TRAPPC9: variants seen among roughly 807,000 people sequenced by gnomAD.
The protein encoded by TRAPPC9 is trafficking protein particle complex subunit 9, also known as IKK2 binding protein.
TRAPPC9 carries 83 observed loss-of-function variants against 124.0 expected under a neutral mutation model. The observed-to-expected ratio is 0.67, with a 90% CI of 0.56 to 0.80. The LOEUF is 0.80. TRAPPC9 is among the 30% of genes least tolerant of loss of function. The pLI, the probability that TRAPPC9 is intolerant of heterozygous loss-of-function variation, is 0.00. For synonymous variants in TRAPPC9, 638 were observed against 617.5 expected (o/e 1.03, Z -0.49); for missense variants, 1,302 against 1,508.3 (o/e 0.86, Z 2.27).
At chr8:139,915,514 TG>T (rs1473625515) in intron 19 of TRAPPC9, among the ~76,000 whole-genome samples, 1 of 152,184 alleles carries the variant, frequency 6.6e-6, no homozygotes, top group Non-Finnish European at 1.5e-5. Flanking sequence ...CCCAAAATAC[TG>T]GGGTTACAGG....
chr8:140,363,208 C>T (rs2068007745), intron 8 of TRAPPC9, among the ~76,000 whole-genome samples: 1 of 152,192 alleles, frequency 6.6e-6, no homozygotes, highest in African/African-American at 2.4e-5. Context: ...CAAAAATCTT[C>T]ATATACAGCA....
At chr8:140,080,366 G>C (rs1440238914) in intron 17 of TRAPPC9, among the ~76,000 whole-genome samples, 1 of 152,216 alleles carries the variant, frequency 6.6e-6, no homozygotes, top group Non-Finnish European at 1.5e-5. Context: ...CAGAATACCT[G>C]AGTGTGGGTA....
At chr8:140,050,144 G>A (rs10088129) in intron 17 of TRAPPC9, among the ~76,000 whole-genome samples, 67,663 of 152,088 alleles carry the variant, frequency 0.44, 17,584 homozygotes, top group Non-Finnish European at 0.59. Context: ...ATGAGCTAGC[G>A]AGAGGATTCG....
At chr8:139,971,764 CATAT>C (rs1193853233) in intron 19 of TRAPPC9, among the ~76,000 whole-genome samples, 17 of 81,148 alleles carry the variant, frequency 2.1e-4, no homozygotes, top group South Asian at 8.5e-4. Context: ...CACACACACA[CATAT>C]ATATATACAC....
At chr8:140,221,613 A>C in intron 16 of TRAPPC9, 30 bp from the exon 17 acceptor site, 1 of 1,605,478 alleles carries the variant, frequency 6.2e-7, no homozygotes, top group South Asian at 1.1e-5. Context: ...ATCATAAGTA[A>C]CACGTCAGCT....
chr8:139,963,518 C>T (rs573872832), intron 19 of TRAPPC9, among the ~76,000 whole-genome samples: 2 of 152,238 alleles, frequency 1.3e-5, no homozygotes, highest in South Asian at 2.1e-4. Flanking sequence ...GGATGGGAGA[C>T]TCGTCCTTTC....
chr8:139,805,477 GCCC>G (rs1823985546), intron 21 of TRAPPC9, among the ~76,000 whole-genome samples: 8 of 152,210 alleles, frequency 5.3e-5, no homozygotes, highest in African/African-American at 1.7e-4. Flanking sequence ...ACATCCTGGG[GCCC>G]CAGGTTCTTT....
chr8:139,952,511 C>T (rs962033845), intron 19 of TRAPPC9, among the ~76,000 whole-genome samples: 6 of 152,112 alleles, frequency 3.9e-5, no homozygotes, highest in African/African-American at 1.2e-4. Flanking sequence ...CACAGGAGCC[C>T]GGCAGCTCGG....
intron 9 of TRAPPC9, among the ~76,000 whole-genome samples, chr8:140,338,926 C>T (rs1194938432): frequency 3.1e-5 from 3 of 95,450 alleles, no homozygotes; most frequent in African/African-American, 1.0e-4. Context: ...ACCTACAGGC[C>T]GACGGGAAAC....
intron 13 of TRAPPC9, among the ~76,000 whole-genome samples, chr8:140,284,749 A>T (rs1475744601): frequency 2.0e-5 from 3 of 152,232 alleles, no homozygotes; most frequent in African/African-American, 7.2e-5. Flanking sequence ...TACTAAAAGG[A>T]GAGGCAGGCA....
chr8:140,373,232 A>G (rs1042101855), intron 7 of TRAPPC9, among the ~76,000 whole-genome samples: 2 of 152,218 alleles, frequency 1.3e-5, no homozygotes, highest in Non-Finnish European at 1.5e-5. Flanking sequence ...AGTGGGGAGG[A>G]TGACAATAAA....
At chr8:139,932,519 T>C (rs1833235619) in intron 19 of TRAPPC9, 1 of 456,058 alleles carries the variant, frequency 2.2e-6, no homozygotes, top group Non-Finnish European at 4.4e-6. Flanking sequence ...TCCCAGCACT[T>C]TGGAAGGCCG....
At chr8:140,169,376 C>T (rs1316357551) in intron 17 of TRAPPC9, among the ~76,000 whole-genome samples, 1 of 152,032 alleles carries the variant, frequency 6.6e-6, no homozygotes, top group African/African-American at 2.4e-5. Context: ...GAATACAGCT[C>T]CTCAAACGGT....
intron 19 of TRAPPC9, among the ~76,000 whole-genome samples, chr8:139,939,628 C>T (rs779002137): frequency 6.6e-6 from 1 of 152,224 alleles, no homozygotes; most frequent in Admixed American, 6.5e-5. Flanking sequence ...CCTGGCAGCC[C>T]CGTGTCCCAG....
At chr8:139,778,259 C>T (rs1373954511) in intron 21 of TRAPPC9, among the ~76,000 whole-genome samples, 1 of 152,162 alleles carries the variant, frequency 6.6e-6, no homozygotes, top group African/African-American at 2.4e-5. Flanking sequence ...CTAGACTAAA[C>T]ACTGCTCTGT....
chr8:140,265,474 T>C (rs1355156910), intron 15 of TRAPPC9, among the ~76,000 whole-genome samples: 1 of 152,218 alleles, frequency 6.6e-6, no homozygotes. Context: ...CACAGCACTA[T>C]GGAAAGCTGA....
At chr8:140,349,488 G>T (rs1282382787) in intron 9 of TRAPPC9, among the ~76,000 whole-genome samples, 2 of 152,052 alleles carry the variant, frequency 1.3e-5, no homozygotes, top group South Asian at 4.1e-4. Flanking sequence ...GCGAGGGAAG[G>T]CAGACGACCC....
intron 21 of TRAPPC9, among the ~76,000 whole-genome samples, chr8:139,848,936 C>T (rs1827272811): frequency 6.6e-6 from 1 of 152,206 alleles, no homozygotes; most frequent in Non-Finnish European, 1.5e-5. Flanking sequence ...GTTTTGCAGA[C>T]ATCCAAAGTT....
At chr8:140,402,579 C>T (rs775157239) in intron 6 of TRAPPC9, among the ~76,000 whole-genome samples, 1 of 151,270 alleles carries the variant, frequency 6.6e-6, no homozygotes, top group African/African-American at 2.4e-5. Flanking sequence ...ACCTGTAGTC[C>T]CAGCACACAG....
Sources: gnomAD v4.1 joint callset for allele counts (sites outside exome capture counted in the v4.1 genomes callset) on GRCh38, gnomAD v4.1.1 for gene constraint, MANE v1.5 for transcripts, NCBI Gene and HGNC (gene_info 2026-07-23, HGNC 2026-07-21) for gene names.